The following SGCD variants were observed in gnomAD, a reference collection of about 807,000 sequenced individuals.
SGCD encodes the protein delta-sarcoglycan.
In SGCD, 18 loss-of-function variants were observed where a neutral mutation model predicts 36.6. The observed-to-expected ratio is 0.49, with a 90% CI of 0.34 to 0.73. The LOEUF (loss-of-function observed/expected upper bound fraction) is 0.73, where lower values mean the gene tolerates loss of function less well. Ranked by LOEUF, SGCD falls within the 30% of genes least tolerant of loss-of-function variation. The pLI is 0.01. For missense variants in SGCD, 387 were observed against 346.7 expected, an observed-to-expected ratio of 1.12 and a Z score of -0.92; for synonymous variants, 133 against 130.6, an observed-to-expected ratio of 1.02 and a Z score of -0.12.
intron 4 of SGCD, among the ~76,000 whole-genome samples, chr5:156,543,894 C>T (rs1049339322): frequency 6.6e-6 from 1 of 152,018 alleles, no homozygotes; most frequent in African/African-American, 2.4e-5. Flanking sequence ...TGGAATTAGT[C>T]CAAAGACTGG....
intron 3 of SGCD, among the ~76,000 whole-genome samples, chr5:156,198,579 G>T (rs1206483982): frequency 6.6e-6 from 1 of 152,060 alleles, no homozygotes; most frequent in Non-Finnish European, 1.5e-5. Flanking sequence ...CTCACTCTTT[G>T]CCCTTTACTC....
intron 3 of SGCD, among the ~76,000 whole-genome samples, chr5:156,261,305 T>C (rs116251852): frequency 2.2e-3 from 328 of 152,338 alleles, no homozygotes; most frequent in African/African-American, 7.3e-3. Context: ...CGTACTTATT[T>C]TGGTGTATGT....
intron 1 of SGCD, among the ~76,000 whole-genome samples, chr5:156,007,275 T>C (rs1379853975): frequency 2.0e-5 from 3 of 152,068 alleles, no homozygotes; most frequent in Admixed American, 1.3e-4. Context: ...ATAACTCCAT[T>C]CCCCTGCTTT....
chr5:156,647,668 C>A, intron 7 of SGCD, 132 bp downstream of exon 7: 7 of 671,688 alleles, frequency 1.0e-5, no homozygotes, highest in South Asian at 1.9e-5. Flanking sequence ...TTGGAGAGAA[C>A]CAGAAGATAA....
chr5:156,713,418 G>GT (rs1561871269), intron 7 of SGCD, among the ~76,000 whole-genome samples: 28 of 144,454 alleles, frequency 1.9e-4, no homozygotes, highest in Admixed American at 6.2e-4. Context: ...GTCGGGGGGG[G>GT]CGTTATAGGA....
chr5:156,389,074 A>T (rs1041652156), intron 3 of SGCD, among the ~76,000 whole-genome samples: 1 of 152,214 alleles, frequency 6.6e-6, no homozygotes, highest in Non-Finnish European at 1.5e-5. Flanking sequence ...CCACAAATGT[A>T]TACATGCTCA....
At chr5:155,840,192 G>T in the SGCD span, among the ~76,000 whole-genome samples, 4 of 150,740 alleles carry the variant, frequency 2.7e-5, no homozygotes, top group African/African-American at 9.7e-5. Context: ...CTTTCAGTTG[G>T]CTCCTGTGTC....
chr5:155,906,469 C>T (rs1756514787), intron 1 of SGCD, among the ~76,000 whole-genome samples: 1 of 152,118 alleles, frequency 6.6e-6, no homozygotes, highest in Non-Finnish European at 1.5e-5. Context: ...AACAGTTAGC[C>T]AAGTTGTAAA....
chr5:156,568,298 C>G (rs948966323), intron 4 of SGCD, among the ~76,000 whole-genome samples: 1 of 152,098 alleles, frequency 6.6e-6, no homozygotes, highest in African/African-American at 2.4e-5. Context: ...GCAGGAGAAT[C>G]GCTTGAACCC....
chr5:155,811,358 C>T, the SGCD span, among the ~76,000 whole-genome samples: 16 of 152,060 alleles, frequency 1.1e-4, no homozygotes, highest in Non-Finnish European at 2.4e-4. Context: ...AATTGGCATA[C>T]AGTTAAAAGG....
intron 1 of SGCD, among the ~76,000 whole-genome samples, chr5:156,059,648 A>G (rs984280956): frequency 1.5e-4 from 22 of 146,422 alleles, no homozygotes; most frequent in African/African-American, 4.9e-4. Flanking sequence ...CTTAGCTGCT[A>G]CCTGGCTTTG....
At chr5:155,893,985 A>G (rs1178570141) in intron 1 of SGCD, among the ~76,000 whole-genome samples, 1 of 152,220 alleles carries the variant, frequency 6.6e-6, no homozygotes, top group Non-Finnish European at 1.5e-5. Context: ...CAATAAAAAT[A>G]TGGTATAAAA....
At chr5:156,746,013 G>C (rs796462429) in intron 7 of SGCD, among the ~76,000 whole-genome samples, 36 of 148,776 alleles carry the variant, frequency 2.4e-4, no homozygotes, top group African/African-American at 8.4e-4. Context: ...AAAACCACAA[G>C]TTTAAAGGGT....
the SGCD span, among the ~76,000 whole-genome samples, chr5:155,743,827 A>G: frequency 1.3e-5 from 2 of 152,204 alleles, no homozygotes; most frequent in African/African-American, 2.4e-5. Flanking sequence ...GCAAATACCC[A>G]TATATTGCTG....
chr5:156,540,995 AGT>A (rs1258736574), intron 4 of SGCD, among the ~76,000 whole-genome samples: 2 of 152,196 alleles, frequency 1.3e-5, no homozygotes, highest in Non-Finnish European at 2.9e-5. Flanking sequence ...AAGAAGACAA[AGT>A]GTGACGTAAG....
rs2113586172 is a variant in SGCD, at chr5:156,647,669, C to T, written c.575+133C>T. The T allele has an allele frequency of 3.0e-6, 2 of 673,658 alleles. 1 individual carries two copies. Among genetic ancestry groups the T allele is most frequent in the South Asian group, 3.8e-5 (2 of 52,730 alleles). 41.7% of individuals were successfully genotyped at this position (673,658 alleles called of 1,614,324 possible). A position where few individuals can be genotyped will look rare whatever the true frequency, so the allele number is the denominator to read the frequency against. On this transcript the variant is annotated intron_variant, in intron 7 of 8. Transcript: ENST00000337851. Reference sequence around the variant, plus strand: ...TAAATTGAAAGAGGTTGGAGAGAACCAGAAGATAAGCTACAACCAAAAGAA... The same window carrying T: ...TAAATTGAAAGAGGTTGGAGAGAACTAGAAGATAAGCTACAACCAAAAGAA...
At chr5:156,071,479 C>T (rs1760560208) in intron 1 of SGCD, among the ~76,000 whole-genome samples, 1 of 152,164 alleles carries the variant, frequency 6.6e-6, no homozygotes, top group Non-Finnish European at 1.5e-5. Context: ...AGTTTGATTG[C>T]ACTGTGGTCT....
intron 1 of SGCD, among the ~76,000 whole-genome samples, chr5:155,873,032 T>C (rs1561633689): frequency 1.3e-5 from 2 of 152,170 alleles, no homozygotes; most frequent in Non-Finnish European, 2.9e-5. Flanking sequence ...CAGAGCCTTG[T>C]CATTACCCTG....
chr5:156,166,092 T>C (rs1423290830), intron 3 of SGCD, among the ~76,000 whole-genome samples: 1 of 152,212 alleles, frequency 6.6e-6, no homozygotes, highest in Non-Finnish European at 1.5e-5. Flanking sequence ...GTGTCTGTAT[T>C]ATTTGTAGTG....
Sources: allele counts gnomAD v4.1 joint callset (sites outside exome capture counted in the v4.1 genomes callset), GRCh38; gene constraint gnomAD v4.1.1; transcripts MANE v1.5; gene names NCBI Gene and HGNC (gene_info 2026-07-23, HGNC 2026-07-21).